NECTIN3: variants seen among roughly 807,000 people sequenced by gnomAD.
The protein encoded by NECTIN3 is nectin-3.
NECTIN3 carries 8 observed loss-of-function variants against 49.4 expected under a neutral mutation model. The observed-to-expected ratio is 0.16, with a 90% confidence interval of 0.10 to 0.29. The LOEUF (loss-of-function observed/expected upper bound fraction) is 0.29, where lower values mean the gene tolerates loss of function less well. NECTIN3 is among the 10% of genes least tolerant of loss of function. The pLI, the probability that NECTIN3 is intolerant of heterozygous loss-of-function variation, is 1.00. For synonymous variants in NECTIN3, 277 were observed against 241.1 expected (o/e 1.15, Z -1.38); for missense variants, 581 against 654.6 (o/e 0.89, Z 1.23).
At chr3:111,089,885 A>G (rs148374573) in intron 1 of NECTIN3, among the ~76,000 whole-genome samples, 18 of 151,784 alleles carry the variant, frequency 1.2e-4, no homozygotes, top group African/African-American at 4.3e-4. Flanking sequence ...AGATTTGTCT[A>G]TTTTTTCTTT....
intron 1 of NECTIN3, among the ~76,000 whole-genome samples, chr3:111,084,757 G>T (rs2031830811): frequency 6.6e-6 from 1 of 152,098 alleles, no homozygotes. Flanking sequence ...AAGAAATGGA[G>T]GAAAATTAGT....
chr3:111,077,483 C>T (rs1007178338), intron 1 of NECTIN3, among the ~76,000 whole-genome samples: 2 of 150,842 alleles, frequency 1.3e-5, no homozygotes, highest in Non-Finnish European at 3.0e-5. Context: ...CTGTAAATAG[C>T]TATTCTCAAA....
intron 7 of NECTIN3, among the ~76,000 whole-genome samples, chr3:111,162,415 G>T (rs1266482660): frequency 1.3e-5 from 2 of 152,082 alleles, no homozygotes; most frequent in Non-Finnish European, 2.9e-5. Context: ...AGACCTGATG[G>T]TGTTATAAGG....
chr3:111,150,245 TAC>T (rs1385146661), intron 7 of NECTIN3, among the ~76,000 whole-genome samples: 1 of 152,022 alleles, frequency 6.6e-6, no homozygotes, highest in Non-Finnish European at 1.5e-5. Context: ...AAGTTATTTT[TAC>T]AGTGCTGACA....
At chr3:111,146,361 G>A (rs2034876194) in intron 6 of NECTIN3, among the ~76,000 whole-genome samples, 1 of 150,456 alleles carries the variant, frequency 6.6e-6, no homozygotes, top group East Asian at 2.0e-4. Context: ...GTGAACCCGG[G>A]AGGCGGAGCT....
intron 7 of NECTIN3, among the ~76,000 whole-genome samples, chr3:111,176,382 C>T (rs1438431209): frequency 6.6e-6 from 1 of 152,180 alleles, no homozygotes; most frequent in African/African-American, 2.4e-5. Flanking sequence ...ATCACTGATG[C>T]TCTCTGGCTC....
intron 7 of NECTIN3, among the ~76,000 whole-genome samples, chr3:111,162,308 A>G (rs1250343790): frequency 1.3e-5 from 2 of 152,192 alleles, no homozygotes; most frequent in African/African-American, 2.4e-5. Flanking sequence ...TGTAGTTCCC[A>G]TAATCCCCAC....
At chr3:111,147,268 C>A in intron 6 of NECTIN3, 1 of 615,422 alleles carries the variant, frequency 1.6e-6, no homozygotes, top group Non-Finnish European at 2.7e-6. Context: ...CTGAATTAAG[C>A]AGGTAGGCTA....
At position 111,159,342 on chromosome 3, in the gene NECTIN3, GT is replaced by G. The variant is rs780847311; in HGVS notation, c.1221+11863del. On this transcript the variant is annotated intron_variant, in intron 7 of 8. Coordinates refer to the NECTIN3 transcript ENST00000493615. Reference sequence around the variant, plus strand: ...TATACAGAGATTTATAATGAATATGGTTTTTGGCTCACAAAAAGTGACTCAA... The same window carrying G: ...TATACAGAGATTTATAATGAATATGGTTTTGGCTCACAAAAAGTGACTCAA... Among the ~76,000 whole-genome samples, 4 of 152,114 alleles carry G rather than the reference GT, an allele frequency of 2.6e-5. No individual in the cohort carries two copies. The East Asian group carries it at 5.8e-4, about 22-fold the overall frequency.
intron 1 of NECTIN3, chr3:111,072,893 A>C (rs993972499): frequency 4.4e-6 from 1 of 224,840 alleles, no homozygotes. Flanking sequence ...TTCTAACCAA[A>C]ACAGTCACGC....
At chr3:111,078,089 A>G (rs1368739683) in intron 1 of NECTIN3, among the ~76,000 whole-genome samples, 3 of 152,212 alleles carry the variant, frequency 2.0e-5, no homozygotes, top group Non-Finnish European at 4.4e-5. Flanking sequence ...CTTATAGATC[A>G]TTTCAATTTG....
chr3:111,131,775 T>C (rs1460683596), intron 5 of NECTIN3, among the ~76,000 whole-genome samples: 1 of 151,836 alleles, frequency 6.6e-6, no homozygotes, highest in Non-Finnish European at 1.5e-5. Context: ...ATGTGTCTTA[T>C]TTGGTGAGAG....
intron 1 of NECTIN3, chr3:111,193,237 A>G: frequency 6.5e-6 from 10 of 1,535,870 alleles, no homozygotes; most frequent in Non-Finnish European, 8.7e-6. Flanking sequence ...TATGAAGATG[A>G]GAATCCAGTT....
chr3:111,075,865 C>A (rs890304087), intron 1 of NECTIN3, among the ~76,000 whole-genome samples: 1 of 152,070 alleles, frequency 6.6e-6, no homozygotes, highest in African/African-American at 2.4e-5. Context: ...TGTTAGTGAT[C>A]ATACTGAAGA....
downstream of NECTIN3, among the ~76,000 whole-genome samples, chr3:111,141,903 G>T (rs887862400): frequency 6.6e-6 from 1 of 151,760 alleles, no homozygotes; most frequent in African/African-American, 2.4e-5. Flanking sequence ...TATACATTTG[G>T]TCACTTAATT....
rs1479183789 is a variant in NECTIN3, at chr3:111,136,021, G to A, written c.*1806G>A. The A allele has an allele frequency of 4.4e-5, 43 of 974,964 alleles. No individual in the cohort carries two copies. The highest frequency in any genetic ancestry group is 5.2e-5 in the Non-Finnish European group (43 of 820,772). The allele number at this position is 974,964 out of a possible 1,614,324, so 60.4% of individuals were successfully genotyped here. A position where few individuals can be genotyped will look rare whatever the true frequency, so the allele number is the denominator to read the frequency against. Reference sequence around the variant, plus strand: ...TACAACTTTTTAGTGCAAGTTTTTGGAAGAAAACTTTTTGATAAAACACTG... The same window carrying A: ...TACAACTTTTTAGTGCAAGTTTTTGAAAGAAAACTTTTTGATAAAACACTG... On this transcript the variant is annotated 3_prime_UTR_variant, in exon 6 of 6. Transcript: ENST00000485303.
intron 7 of NECTIN3, among the ~76,000 whole-genome samples, chr3:111,180,706 AAATCATCT>A (rs1482747043): frequency 2.6e-5 from 4 of 152,170 alleles, no homozygotes; most frequent in Non-Finnish European, 4.4e-5. Flanking sequence ...TAGTGTGGAG[AAATCATCT>A]CTCTAGATTA....
intron 7 of NECTIN3, among the ~76,000 whole-genome samples, chr3:111,166,917 G>C (rs1044571978): frequency 9.2e-5 from 14 of 151,556 alleles, no homozygotes; most frequent in African/African-American, 3.4e-4. Flanking sequence ...ATAAAGATAG[G>C]TAGGTAGGTA....
intron 1 of NECTIN3, among the ~76,000 whole-genome samples, chr3:111,110,435 A>C (rs2033407164): frequency 6.6e-6 from 1 of 152,056 alleles, no homozygotes; most frequent in East Asian, 1.9e-4. Context: ...TGAGCTTTTA[A>C]TGTGATGAGC....
Sources: gnomAD v4.1 joint callset for allele counts (sites outside exome capture counted in the v4.1 genomes callset) on GRCh38, gnomAD v4.1.1 for gene constraint, MANE v1.5 for transcripts, NCBI Gene and HGNC (gene_info 2026-07-23, HGNC 2026-07-21) for gene names.